Variants in FGF14 observed in about 807,000 individuals in gnomAD.
The protein encoded by FGF14 is fibroblast growth factor 14, also known as fibroblast growth factor homologous factor 4.
FGF14 carries 5 observed loss-of-function variants against 25.5 expected under a neutral mutation model. The observed-to-expected ratio is 0.20, with a 90% CI of 0.10 to 0.41. FGF14 has a LOEUF of 0.41. Among genes scored for constraint, FGF14 ranks in the 10% least tolerant of loss-of-function variants. The probability of loss-of-function intolerance (pLI) is 1.00; values close to 1 mark genes in which losing one functional copy is unlikely to be tolerated. For missense variants in FGF14, 222 were observed against 320.1 expected (o/e 0.69, Z 2.34); for synonymous variants, 138 against 118.3 (o/e 1.17, Z -1.08).
chr13:102,286,077 T>C (rs576587751), intron 1 of FGF14, among the ~76,000 whole-genome samples: 40 of 152,290 alleles, frequency 2.6e-4, no homozygotes, highest in Admixed American at 3.9e-4. Context: ...ATAGGTCTCA[T>C]TGTTCACAAC....
At chr13:102,068,878 C>A (rs2043027003) in intron 1 of FGF14, among the ~76,000 whole-genome samples, 1 of 152,204 alleles carries the variant, frequency 6.6e-6, no homozygotes, top group South Asian at 2.1e-4. Flanking sequence ...CGTGGGCTGG[C>A]AGGCAGCTCC....
intron 1 of FGF14, among the ~76,000 whole-genome samples, chr13:101,891,197 T>C (rs77203615): frequency 0.024 from 3,579 of 152,276 alleles, 160 homozygotes; most frequent in African/African-American, 0.08. Flanking sequence ...CCACTACCCT[T>C]TGCTTTGTAC....
intron 1 of FGF14, among the ~76,000 whole-genome samples, chr13:101,925,379 TTCTTCCAAAAACTC>T (rs1437147508): frequency 6.6e-6 from 1 of 152,198 alleles, no homozygotes; most frequent in African/African-American, 2.4e-5. Context: ...ATATTCTACA[TTCTTCCAAAAACTC>T]TCTACAACTA....
intron 1 of FGF14, among the ~76,000 whole-genome samples, chr13:101,948,758 G>C (rs946643846): frequency 2.6e-5 from 4 of 152,068 alleles, no homozygotes; most frequent in Non-Finnish European, 4.4e-5. Flanking sequence ...GTTTGGCACA[G>C]AATGTTAACA....
intron 3 of FGF14, among the ~76,000 whole-genome samples, chr13:101,769,463 T>C (rs1334251018): frequency 6.6e-6 from 1 of 152,088 alleles, no homozygotes; most frequent in Admixed American, 6.6e-5. Flanking sequence ...ATATGTACCC[T>C]AAAATGCTAA....
At chr13:102,163,227 C>T (rs2047856108) in intron 1 of FGF14, among the ~76,000 whole-genome samples, 1 of 152,120 alleles carries the variant, frequency 6.6e-6, no homozygotes, top group Admixed American at 6.6e-5. Flanking sequence ...TAAATGCTTA[C>T]TGTATAGTTT....
At chr13:102,072,151 C>T (rs1334399016) in intron 1 of FGF14, among the ~76,000 whole-genome samples, 1 of 151,998 alleles carries the variant, frequency 6.6e-6, no homozygotes, top group Admixed American at 6.6e-5. Context: ...CAGGAAAAGG[C>T]AATGTATAAA....
intron 1 of FGF14, among the ~76,000 whole-genome samples, chr13:102,113,579 T>C (rs1441665637): frequency 6.6e-6 from 1 of 152,166 alleles, no homozygotes; most frequent in Non-Finnish European, 1.5e-5. Flanking sequence ...TAGAATTACT[T>C]TTGGAGCTTT....
intron 4 of FGF14, among the ~76,000 whole-genome samples, chr13:101,724,377 G>A (rs540805067): frequency 1.3e-4 from 19 of 151,010 alleles, no homozygotes; most frequent in African/African-American, 4.6e-4. Flanking sequence ...TCACTCATAG[G>A]TGGGAACTGA....
At chr13:101,922,746 T>C (rs546546238) in intron 1 of FGF14, among the ~76,000 whole-genome samples, 48 of 152,202 alleles carry the variant, frequency 3.2e-4, no homozygotes, top group African/African-American at 1.0e-3. Flanking sequence ...AGTTCCATTA[T>C]GTTCTGGATG....
chr13:101,842,840 C>T (rs550085451), intron 3 of FGF14, among the ~76,000 whole-genome samples: 3 of 152,128 alleles, frequency 2.0e-5, no homozygotes, highest in Non-Finnish European at 4.4e-5. Context: ...CTTCAAATAT[C>T]ACTATAACTA....
At chr13:101,761,067 C>T (rs1232744332) in intron 3 of FGF14, among the ~76,000 whole-genome samples, 1 of 152,172 alleles carries the variant, frequency 6.6e-6, no homozygotes, top group African/African-American at 2.4e-5. Flanking sequence ...ATTAATTAGG[C>T]ACACTTCTTC....
intron 1 of FGF14, among the ~76,000 whole-genome samples, chr13:102,133,295 T>A (rs1566728063): frequency 6.6e-6 from 1 of 152,234 alleles, no homozygotes; most frequent in Admixed American, 6.5e-5. Flanking sequence ...GAATAGCTTC[T>A]CCTAATTAAA....
chr13:102,358,589 T>C (rs1395857147), intron 1 of FGF14, among the ~76,000 whole-genome samples: 1 of 152,216 alleles, frequency 6.6e-6, no homozygotes, highest in African/African-American at 2.4e-5. Context: ...TGTGTGCGTA[T>C]GTTCTGATCT....
At chr13:101,806,447 A>G (rs1447657124) in intron 3 of FGF14, among the ~76,000 whole-genome samples, 2 of 151,870 alleles carry the variant, frequency 1.3e-5, no homozygotes, top group Non-Finnish European at 2.9e-5. Context: ...AAAGGAAGAA[A>G]AATATATGTA....
At chr13:102,008,380 C>T (rs1440062791) in intron 1 of FGF14, among the ~76,000 whole-genome samples, 1 of 152,192 alleles carries the variant, frequency 6.6e-6, no homozygotes, top group African/African-American at 2.4e-5. Context: ...GTTGACTGTT[C>T]ATTTGATGAA....
At chr13:101,793,640 T>A (rs1172295530) in intron 3 of FGF14, among the ~76,000 whole-genome samples, 1 of 152,064 alleles carries the variant, frequency 6.6e-6, no homozygotes, top group East Asian at 1.9e-4. Context: ...TTTTAGTTAT[T>A]TGAGGAACCT....
intron 3 of FGF14, among the ~76,000 whole-genome samples, chr13:101,740,150 G>C (rs1219403011): frequency 6.6e-6 from 1 of 152,180 alleles, no homozygotes; most frequent in Admixed American, 6.5e-5. Flanking sequence ...TTTGCAATCG[G>C]GGAGCTCAGA....
At chr13:102,179,300 C>A (rs2048572766) in intron 1 of FGF14, among the ~76,000 whole-genome samples, 1 of 152,076 alleles carries the variant, frequency 6.6e-6, no homozygotes, top group East Asian at 1.9e-4. Flanking sequence ...CATGCTTCAT[C>A]CCAGAAATGG....
Sources: gnomAD v4.1 joint callset for allele counts (sites outside exome capture counted in the v4.1 genomes callset) on GRCh38, gnomAD v4.1.1 for gene constraint, MANE v1.5 for transcripts, NCBI Gene and HGNC (gene_info 2026-07-23, HGNC 2026-07-21) for gene names.